PKHD1: variants seen among roughly 807,000 people sequenced by gnomAD.
PKHD1 encodes PKHD1 ciliary IPT domain containing fibrocystin/polyductin, also known as fibrocystin.
Under a neutral mutation model 412.0 loss-of-function variants are expected in PKHD1, and 291 were observed. The observed-to-expected ratio is 0.71, with a 90% CI of 0.64 to 0.78. The LOEUF (loss-of-function observed/expected upper bound fraction) is 0.78. PKHD1 is among the 30% of genes least tolerant of loss of function. The probability of loss-of-function intolerance (pLI) is 0.00; values close to 1 mark genes in which losing one functional copy is unlikely to be tolerated. For synonymous variants in PKHD1, 1,777 were observed against 1,821.5 expected, an observed-to-expected ratio of 0.98 and a Z score of 0.62; for missense variants, 4,825 against 4,950.7, an observed-to-expected ratio of 0.97 and a Z score of 0.76.
intron 60 of PKHD1, among the ~76,000 whole-genome samples, chr6:51,664,755 G>A (rs1347336992): frequency 6.6e-6 from 1 of 152,100 alleles, no homozygotes. Flanking sequence ...AAAGGAACTA[G>A]TGCAGTGCCA....
intron 35 of PKHD1, among the ~76,000 whole-genome samples, chr6:51,981,376 C>T (rs1482930703): frequency 1.0e-4 from 13 of 128,330 alleles, no homozygotes; most frequent in East Asian, 6.9e-4. Context: ...TCTCCCTCCA[C>T]GGTCTCCCTC....
intron 11 of PKHD1, 118 bp from the exon 12 acceptor site, chr6:52,066,195 G>A (rs2128224377): frequency 1.6e-6 from 1 of 618,390 alleles, no homozygotes; most frequent in African/African-American, 1.9e-5. Flanking sequence ...TCTAAGTCCA[G>A]CAACAGTTGA....
chr6:51,983,004 G>A (rs2128042512), intron 35 of PKHD1, among the ~76,000 whole-genome samples: 1 of 152,060 alleles, frequency 6.6e-6, no homozygotes, highest in East Asian at 1.9e-4. Context: ...CTTAAGCAGG[G>A]CCCAGGAAGC....
At chr6:51,996,121 T>G (rs908028943) in intron 35 of PKHD1, among the ~76,000 whole-genome samples, 4 of 149,152 alleles carry the variant, frequency 2.7e-5, no homozygotes, top group African/African-American at 9.8e-5. Flanking sequence ...TTCTCCTGCC[T>G]CAGCCTCCCA....
At chr6:51,925,217 A>G (rs553291876) in intron 37 of PKHD1, among the ~76,000 whole-genome samples, 46 of 152,222 alleles carry the variant, frequency 3.0e-4, no homozygotes, top group Non-Finnish European at 3.4e-4. Flanking sequence ...AGGAAAATGG[A>G]AACTACAGAA....
At chr6:51,861,590 T>C (rs1364734205) in intron 48 of PKHD1, among the ~76,000 whole-genome samples, 1 of 152,196 alleles carries the variant, frequency 6.6e-6, no homozygotes, top group Non-Finnish European at 1.5e-5. Context: ...AGCCAACAAA[T>C]TTCTGTGGCA....
intron 17 of PKHD1, 27 bp downstream of exon 17, chr6:52,056,863 C>T (rs1192657358): frequency 6.3e-7 from 1 of 1,595,022 alleles, no homozygotes; most frequent in East Asian, 2.2e-5. Context: ...CCACTCCCCT[C>T]CCTCATTTTT....
chr6:52,085,239 C>G (rs1248366720), intron 1 of PKHD1, among the ~76,000 whole-genome samples: 2 of 48,682 alleles, frequency 4.1e-5, no homozygotes, highest in East Asian at 3.2e-3. Context: ...TTATTTTAAG[C>G]TGGATAAATA....
intron 63 of PKHD1, among the ~76,000 whole-genome samples, chr6:51,642,263 G>A (rs1446476521): frequency 1.3e-5 from 2 of 152,104 alleles, no homozygotes; most frequent in Non-Finnish European, 2.9e-5. Context: ...AATAGGTAAG[G>A]CATGGAGCAT....
At chr6:51,887,360 C>T in intron 43 of PKHD1, 115 bp from the exon 44 acceptor site, 2 of 735,580 alleles carry the variant, frequency 2.7e-6, no homozygotes, top group Non-Finnish European at 5.0e-6. Flanking sequence ...TGCCAAAGTA[C>T]ATTAAAACTC....
intron 52 of PKHD1, among the ~76,000 whole-genome samples, chr6:51,792,375 C>A (rs1793893425): frequency 6.6e-6 from 1 of 152,174 alleles, no homozygotes. Flanking sequence ...TTAGTATAAT[C>A]TCATCTCTCA....
intron 52 of PKHD1, among the ~76,000 whole-genome samples, chr6:51,822,207 T>C (rs1044479330): frequency 6.6e-6 from 1 of 152,206 alleles, no homozygotes; most frequent in African/African-American, 2.4e-5. Context: ...AACAAAGATA[T>C]GGGTATCCTT....
Position 51,830,982 on chromosome 6 carries a change from G to C in PKHD1, c.8181C>G (p.Thr2727=), listed in dbSNP as rs759658629. Residue 2727 remains threonine (T), a synonymous_variant, in exon 52 of 67, where the codon ACC becomes ACG. Coordinates refer to ENST00000371117, the MANE Select transcript of PKHD1 (RefSeq NM_138694.4). The stretch of plus-strand genomic sequence containing the variant: ...ATTTTAAAGCTGATTCAGGGGCAGA[G>C]GTAGAAGCTAGAAAATAAAAAAAAA... ...EGMPPTISAS[T]SAPESALKWS... is the part of the protein sequence containing the mutation. 25 of 1,611,208 alleles carry C rather than the reference G, an allele frequency of 1.6e-5. No individual in the cohort carries two copies. Among genetic ancestry groups the C allele is most frequent in the Non-Finnish European group, 1.7e-5 (20 of 1,177,964 alleles).
At chr6:51,647,381 T>A (rs746589131) in intron 63 of PKHD1, among the ~76,000 whole-genome samples, 2 of 152,156 alleles carry the variant, frequency 1.3e-5, no homozygotes, top group African/African-American at 4.8e-5. Context: ...CAGAATATGT[T>A]GCCAAACTAT....
In PKHD1 at chr6:51,623,621, T is replaced by C. The variant is rs553626856; in HGVS notation, c.11785+3376A>G. 1.7e-3 allele frequency among the ~76,000 whole-genome samples: 266 copies of C among 152,252 alleles called. 2 individuals are homozygous for C. The highest frequency in any genetic ancestry group is 5.9e-3 in the African/African-American group (247 of 41,524). ...TTTTTTGAGATGGAGTCTCGCTCTG[T>C]CACCCAGGCTGGAATGCAGTGGCAT... On this transcript the variant is annotated intron_variant, in intron 66 of 66. Coordinates refer to ENST00000371117, the MANE Select transcript of PKHD1 (RefSeq NM_138694.4).
chr6:51,884,020 T>C (rs946843046), intron 45 of PKHD1, among the ~76,000 whole-genome samples: 3 of 152,134 alleles, frequency 2.0e-5, no homozygotes, highest in African/African-American at 7.2e-5. Flanking sequence ...CTAATAAATT[T>C]CTGTTTATTA....
chr6:51,671,785 A>C (rs1363397658), intron 60 of PKHD1, among the ~76,000 whole-genome samples: 5 of 151,954 alleles, frequency 3.3e-5, no homozygotes, highest in Admixed American at 6.6e-5. Flanking sequence ...CCTCAGCTGC[A>C]GGTCTGTTGG....
intron 55 of PKHD1, among the ~76,000 whole-genome samples, chr6:51,764,107 C>T (rs113379997): frequency 0.29 from 37,754 of 128,988 alleles, 6,572 homozygotes; most frequent in East Asian, 0.68. Context: ...CCCCTCCCCC[C>T]ACCCCACCAC....
intron 63 of PKHD1, among the ~76,000 whole-genome samples, chr6:51,643,859 C>G (rs898549955): frequency 3.3e-5 from 5 of 151,920 alleles, no homozygotes; most frequent in South Asian, 2.1e-4. Context: ...GTCCTCCCCC[C>G]AATCTCTGAC....
Sources: gnomAD v4.1 joint callset for allele counts (sites outside exome capture counted in the v4.1 genomes callset) on GRCh38, gnomAD v4.1.1 for gene constraint, MANE v1.5 for transcripts, NCBI Gene and HGNC (gene_info 2026-07-23, HGNC 2026-07-21) for gene names.